Variants in ANKS1B observed in about 807,000 individuals in gnomAD.
The protein encoded by ANKS1B is ankyrin repeat and sterile alpha motif domain-containing protein 1B.
A neutral mutation model predicts 148.3 loss-of-function variants in ANKS1B; 36 were observed. The ratio of observed to expected loss-of-function variants is 0.24; its 90% confidence interval spans 0.19 to 0.32. The LOEUF (loss-of-function observed/expected upper bound fraction) is 0.32, where lower values mean the gene tolerates loss of function less well. ANKS1B is among the 10% of genes least tolerant of loss of function. The probability of loss-of-function intolerance (pLI) is 1.00; values close to 1 mark genes in which losing one functional copy is unlikely to be tolerated. For missense variants in ANKS1B, 1,157 were observed against 1,542.6 expected, an observed-to-expected ratio of 0.75 and a Z score of 4.19; for synonymous variants, 542 against 560.8, an observed-to-expected ratio of 0.97 and a Z score of 0.47.
chr12:99,114,646 G>A (rs1387845567), intron 15 of ANKS1B, among the ~76,000 whole-genome samples: 1 of 152,110 alleles, frequency 6.6e-6, no homozygotes, highest in East Asian at 1.9e-4. Flanking sequence ...CAGCTACTCA[G>A]GAGGCTGAGG....
chr12:99,843,569 C>T (rs2153699487), intron 1 of ANKS1B, among the ~76,000 whole-genome samples: 1 of 152,166 alleles, frequency 6.6e-6, no homozygotes, highest in Middle Eastern at 3.4e-3. Flanking sequence ...CATCCATGTC[C>T]CTGCAAAGGA....
At chr12:99,413,653 A>T (rs1461124407) in intron 11 of ANKS1B, among the ~76,000 whole-genome samples, 2 of 152,190 alleles carry the variant, frequency 1.3e-5, no homozygotes, top group Admixed American at 6.5e-5. Context: ...AAAAATCTTT[A>T]TATCTCCTGA....
At chr12:99,785,426 C>CT (rs574738097) in intron 4 of ANKS1B, among the ~76,000 whole-genome samples, 34 of 148,514 alleles carry the variant, frequency 2.3e-4, no homozygotes, top group East Asian at 3.9e-4. Context: ...TGTAAAAACT[C>CT]TTTTTTTTTT....
chr12:99,448,147 T>G (rs2095666320), intron 10 of ANKS1B, among the ~76,000 whole-genome samples: 1 of 152,138 alleles, frequency 6.6e-6, no homozygotes, highest in South Asian at 2.1e-4. Context: ...ATATCTCCAC[T>G]CCCATGTTAT....
At chr12:99,311,572 AT>A (rs1294589514) in intron 12 of ANKS1B, among the ~76,000 whole-genome samples, 1 of 152,160 alleles carries the variant, frequency 6.6e-6, no homozygotes, top group Non-Finnish European at 1.5e-5. Flanking sequence ...CTGTATGCAA[AT>A]TGAAACCACC....
chr12:99,710,454 G>A (rs1315331054), intron 8 of ANKS1B, among the ~76,000 whole-genome samples: 2 of 152,120 alleles, frequency 1.3e-5, no homozygotes, highest in Non-Finnish European at 2.9e-5. Flanking sequence ...GATTAAGACA[G>A]GGCGAATCCA....
intron 14 of ANKS1B, among the ~76,000 whole-genome samples, chr12:99,208,390 A>T (rs1418143829): frequency 1.3e-5 from 2 of 152,180 alleles, no homozygotes; most frequent in Non-Finnish European, 2.9e-5. Flanking sequence ...TCCAAAATAA[A>T]CTAAATTAAG....
chr12:99,646,142 C>T (rs2098361068), intron 9 of ANKS1B, among the ~76,000 whole-genome samples: 1 of 151,392 alleles, frequency 6.6e-6, no homozygotes, highest in South Asian at 2.1e-4. Context: ...CGTTATTTTA[C>T]TAAATGTGTA....
At chr12:99,914,897 C>T (rs2094122608) in intron 1 of ANKS1B, among the ~76,000 whole-genome samples, 1 of 152,038 alleles carries the variant, frequency 6.6e-6, no homozygotes, top group South Asian at 2.1e-4. Flanking sequence ...CTTTCATTGC[C>T]TCTAGACCAG....
At chr12:99,827,830 T>C (rs1216629720) in intron 1 of ANKS1B, among the ~76,000 whole-genome samples, 3 of 152,204 alleles carry the variant, frequency 2.0e-5, no homozygotes, top group African/African-American at 7.2e-5. Flanking sequence ...AGTGAAACAA[T>C]TTGGCAGTTT....
chr12:99,021,022 T>G (rs1397436467), intron 17 of ANKS1B, among the ~76,000 whole-genome samples: 2 of 152,138 alleles, frequency 1.3e-5, no homozygotes, highest in East Asian at 3.8e-4. Flanking sequence ...ATATCTATGA[T>G]GCCAGAAACT....
chr12:99,139,916 A>G (rs1348672945), intron 15 of ANKS1B, among the ~76,000 whole-genome samples: 1 of 152,186 alleles, frequency 6.6e-6, no homozygotes, highest in Admixed American at 6.5e-5. Flanking sequence ...GACTGTCAAC[A>G]CATGCTAAAG....
Position 99,309,212 on chromosome 12 carries a change from T to C in ANKS1B, c.1757-62348A>G, listed in dbSNP as rs560505491. Among the ~76,000 whole-genome samples, 5 of 152,090 alleles carry C rather than the reference T, an allele frequency of 3.3e-5. No individual in the cohort carries two copies. The East Asian group carries it at 9.6e-4, about 29-fold the overall frequency. ...CATTGGCCAGGTTGCCATTATATTT[T>C]AAATAAGAGCAGTTATGTTTTAGAT... On this transcript the variant is annotated intron_variant, in intron 12 of 26. Coordinates refer to ENST00000683438, the MANE Select transcript of ANKS1B (RefSeq NM_001352186.2).
chr12:99,955,450 G>A lies in ANKS1B; in HGVS notation c.134+28654C>T, dbSNP rs576957875. Among the ~76,000 whole-genome samples, 9 of 125,482 alleles carry A rather than the reference G, an allele frequency of 7.2e-5. No homozygotes were observed. The South Asian group carries it at 2.2e-3, about 31-fold the overall frequency. The allele number at this position is 125,482 out of a possible 152,430, so 82.3% of individuals were successfully genotyped here. On this transcript the variant is annotated intron_variant, in intron 1 of 26. Coordinates refer to ENST00000683438, the MANE Select transcript of ANKS1B (RefSeq NM_001352186.2). ...GGAGCTTGCAGTGAGTCGAGATCGCGCCACTGCGCTCCAGCCTGGGCGACA... is the reference window on the plus strand; with the variant it reads ...GGAGCTTGCAGTGAGTCGAGATCGCACCACTGCGCTCCAGCCTGGGCGACA...
intron 14 of ANKS1B, among the ~76,000 whole-genome samples, chr12:99,178,465 G>T (rs2078677479): frequency 1.3e-5 from 2 of 152,210 alleles, no homozygotes; most frequent in Non-Finnish European, 2.9e-5. Context: ...TGGCAGGCTT[G>T]TTGGGGGAGA....
intron 9 of ANKS1B, among the ~76,000 whole-genome samples, chr12:99,561,075 T>A (rs1256846220): frequency 6.6e-6 from 1 of 152,092 alleles, no homozygotes; most frequent in Non-Finnish European, 1.5e-5. Flanking sequence ...CTCAATCTCC[T>A]GACCTTGTGA....
chr12:99,192,654 T>C (rs2080889032), intron 14 of ANKS1B, among the ~76,000 whole-genome samples: 1 of 152,122 alleles, frequency 6.6e-6, no homozygotes, highest in Non-Finnish European at 1.5e-5. Flanking sequence ...TATCACATTT[T>C]AAATAATTGA....
In ANKS1B at chr12:98,771,532, G is replaced by A. The variant is rs1402855896; in HGVS notation, c.3579+1510C>T. 5.9e-5 allele frequency among the ~76,000 whole-genome samples: 9 copies of A among 152,120 alleles called. No individual in the cohort carries two copies. The East Asian group carries it at 1.7e-3, about 29-fold the overall frequency. On this transcript the variant is annotated intron_variant, in intron 25 of 26. Coordinates refer to ENST00000683438, the MANE Select transcript of ANKS1B (RefSeq NM_001352186.2). Reference sequence around the variant, plus strand: ...TCTGTCACCTGGGCTAGATGGCAGTGGTGTGATCACAGCTTACTGCAGCCT... The same window carrying A: ...TCTGTCACCTGGGCTAGATGGCAGTAGTGTGATCACAGCTTACTGCAGCCT...
chr12:99,504,427 G>A (rs1447039911), intron 10 of ANKS1B, 49 bp downstream of exon 10: 1 of 1,573,078 alleles, frequency 6.4e-7, no homozygotes, highest in Non-Finnish European at 8.6e-7. Flanking sequence ...ATCTTCATAT[G>A]AATAAGCAAG....
Sources: allele counts gnomAD v4.1 joint callset (sites outside exome capture counted in the v4.1 genomes callset), GRCh38; gene constraint gnomAD v4.1.1; transcripts MANE v1.5; gene names NCBI Gene and HGNC (gene_info 2026-07-23, HGNC 2026-07-21).